TPM1: variants seen among roughly 807,000 people sequenced by gnomAD.
The protein encoded by TPM1 is tropomyosin 1, also known as tropomyosin alpha-1 chain.
A neutral mutation model predicts 42.9 loss-of-function variants in TPM1; 24 were observed. That is an observed-to-expected ratio of 0.56 (90% confidence interval 0.41 to 0.79). TPM1 has a LOEUF of 0.79. Ranked by LOEUF, TPM1 falls within the 30% of genes least tolerant of loss-of-function variation. TPM1 has a pLI of 0.00. For missense variants in TPM1, 158 were observed against 351.8 expected (o/e 0.45, Z 4.41); for synonymous variants, 136 against 130.1 (o/e 1.05, Z -0.31).
chr15:63,060,504 G>A (rs1457252471), intron 4 of TPM1, among the ~76,000 whole-genome samples: 1 of 152,166 alleles, frequency 6.6e-6, no homozygotes, highest in African/African-American at 2.4e-5. Context: ...GGTTTACTTT[G>A]TTTTCCTGGC....
In TPM1 at chr15:63,062,030, T is replaced by C. The variant is rs143813051; in HGVS notation, c.640-185T>C. The C allele has an allele frequency of 1.9e-4, 131 of 697,102 alleles. No individual in the cohort carries two copies. The East Asian group carries it at 3.2e-3, about 17-fold the overall frequency. The allele number at this position is 697,102 out of a possible 1,614,324, so 43.2% of individuals were successfully genotyped here. A position where few individuals can be genotyped will look rare whatever the true frequency, so the allele number is the denominator to read the frequency against. On this transcript the variant is annotated intron_variant, in intron 6 of 9. Transcript: ENST00000403994. ...AAGTGGATAAGTTATCTTGTTGTTA[T>C]CCCATGTAAAACAATAGGCAAGAAA...
chr15:63,066,288 C>T (rs2036267727), downstream of TPM1: 11 of 813,774 alleles, frequency 1.4e-5, no homozygotes, highest in South Asian at 2.0e-4. Context: ...CAAAAAAATA[C>T]CCAGGCCTGC....
At chr15:63,061,072 G>A (rs950187790) in intron 5 of TPM1, 133 bp downstream of exon 5, 2 of 1,458,128 alleles carry the variant, frequency 1.4e-6, no homozygotes, top group African/African-American at 2.8e-5. Context: ...ATGTGGATGA[G>A]CCACGAGTAT....
intron 4 of TPM1, among the ~76,000 whole-genome samples, chr15:63,060,305 G>T (rs2035441950): frequency 6.6e-6 from 1 of 152,094 alleles, no homozygotes; most frequent in African/African-American, 2.4e-5. Context: ...ATTACCTTCA[G>T]ATTACACTAT....
chr15:63,049,571 A>G (rs754502190), intron 2 of TPM1, among the ~76,000 whole-genome samples: 3 of 152,176 alleles, frequency 2.0e-5, no homozygotes, highest in Admixed American at 6.5e-5. Context: ...TTTAATGAAG[A>G]TACTGAAACA....
chr15:63,053,673 ATTTTTTT>A (rs397853689), intron 2 of TPM1, among the ~76,000 whole-genome samples: 2 of 75,110 alleles, frequency 2.7e-5, no homozygotes, highest in Non-Finnish European at 5.3e-5. Flanking sequence ...TGGAAGTTTG[ATTTTTTT>A]TTTTTTTTTT....
In TPM1 at chr15:63,042,959, G is replaced by C. The variant is rs1304088652; in HGVS notation, c.114+16G>C. 2 of 1,576,606 alleles carry C rather than the reference G, an allele frequency of 1.3e-6. No individual in the cohort carries two copies. Among genetic ancestry groups the C allele is most frequent in the African/African-American group, 2.7e-5 (2 of 74,252 alleles). On this transcript the variant is annotated intron_variant, in intron 1 of 9. Transcript: ENST00000403994. ...GAGCAAGCAGGTCTGCGCCTCCCCG[G>C]CCCTGCGCCCGCGCCCAGAGCGCCG...
intron 2 of TPM1, chr15:63,055,650 A>G (rs1292695045): frequency 1.3e-5 from 2 of 152,202 alleles, no homozygotes; most frequent in Admixed American, 1.3e-4. Flanking sequence ...TTGTTATCCT[A>G]TTACCATGGG....
downstream of TPM1, chr15:63,070,992 C>T (rs1305397639): frequency 2.5e-6 from 4 of 1,591,274 alleles, no homozygotes; most frequent in Admixed American, 6.8e-5. Context: ...ATCATCTCAT[C>T]CTGTGTTTGT....
At chr15:63,048,351 C>T in intron 2 of TPM1, 4 of 1,207,530 alleles carry the variant, frequency 3.3e-6, no homozygotes, top group Non-Finnish European at 3.2e-6. Context: ...ATCCACGGCG[C>T]GCGCCCCTCC....
At chr15:63,066,961 T>C (rs1416816611), downstream of TPM1, among the ~76,000 whole-genome samples, 1 of 152,238 alleles carries the variant, frequency 6.6e-6, no homozygotes, top group Non-Finnish European at 1.5e-5. Context: ...TCATTTGGGC[T>C]TCTGTTTTAT....
chr15:63,069,987 C>A (rs547633494), downstream of TPM1: 19 of 1,613,192 alleles, frequency 1.2e-5, no homozygotes, highest in East Asian at 4.0e-4. Context: ...GGCGTGGAGC[C>A]CATGTGCAGA....
chr15:63,070,963 A>T (rs2036577353), downstream of TPM1: 1 of 1,531,014 alleles, frequency 6.5e-7, no homozygotes, highest in African/African-American at 1.4e-5. Flanking sequence ...GTAATGTCTT[A>T]CAAGCATGCC....
At chr15:63,055,164 T>G (rs4238370) in intron 2 of TPM1, among the ~76,000 whole-genome samples, 120,009 of 152,172 alleles carry the variant, frequency 0.79, 47,670 homozygotes, top group East Asian at 1. Flanking sequence ...GCTGGGTCCA[T>G]TTACCAGCTG....
intron 1 of TPM1, chr15:63,043,180 A>C (rs1477336196): frequency 1.8e-6 from 1 of 561,148 alleles, no homozygotes; most frequent in African/African-American, 1.9e-5. Context: ...TGGCCCGCGA[A>C]ATCAAGTCCT....
At chr15:63,061,515 C>T in intron 5 of TPM1, 198 bp from the exon 6 acceptor site, 1 of 723,940 alleles carries the variant, frequency 1.4e-6, no homozygotes, top group Non-Finnish European at 2.4e-6. Flanking sequence ...ATTTGGTCAC[C>T]CTGCCTTCTG....
intron 4 of TPM1, 86 bp downstream of exon 4, chr15:63,059,766 G>A: frequency 4.2e-6 from 4 of 952,408 alleles, no homozygotes; most frequent in South Asian, 3.9e-5. Context: ...TGATTCCCGA[G>A]TGAGGCCATC....
intron 2 of TPM1, 51 bp downstream of exon 2, chr15:63,044,203 C>G (rs966617736): frequency 6.2e-7 from 1 of 1,613,746 alleles, no homozygotes; most frequent in African/African-American, 1.3e-5. Flanking sequence ...CGTGGCCACT[C>G]CGGGGTCACC....
At chr15:63,070,648 T>C (rs148028089), downstream of TPM1, 124 of 1,003,180 alleles carry the variant, frequency 1.2e-4, no homozygotes, top group African/African-American at 2.1e-3. Context: ...CCTATTTATG[T>C]CATCTTTGCT....
Sources: allele counts gnomAD v4.1 joint callset (sites outside exome capture counted in the v4.1 genomes callset), GRCh38; gene constraint gnomAD v4.1.1; transcripts MANE v1.5; gene names NCBI Gene and HGNC (gene_info 2026-07-23, HGNC 2026-07-21).